The following ZNF516 variants were observed in gnomAD, a reference collection of about 807,000 sequenced individuals.
ZNF516 encodes zinc finger protein 516.
In ZNF516, 19 loss-of-function variants were observed where a neutral mutation model predicts 79.7. The observed-to-expected ratio is 0.24, with a 90% confidence interval of 0.17 to 0.35. ZNF516 has a LOEUF of 0.35. Ranked by LOEUF, ZNF516 falls within the 10% of genes least tolerant of loss-of-function variation. The pLI, the probability that ZNF516 is intolerant of heterozygous loss-of-function variation, is 1.00. For missense variants in ZNF516, 1,678 were observed against 1,679.5 expected (o/e 1.00, Z 0.02); for synonymous variants, 877 against 739.5 (o/e 1.19, Z -3.02).
intron 3 of ZNF516, among the ~76,000 whole-genome samples, chr18:76,414,378 G>A (rs1230766292): frequency 2.0e-5 from 3 of 152,198 alleles, no homozygotes; most frequent in East Asian, 1.9e-4. Context: ...TATTTTAAGG[G>A]TTTTCATCCC....
chr18:76,397,582 T>C (rs773348150), intron 3 of ZNF516, among the ~76,000 whole-genome samples: 2 of 152,226 alleles, frequency 1.3e-5, no homozygotes, highest in Non-Finnish European at 2.9e-5. Flanking sequence ...ATTACATAAA[T>C]ATCTTAGTAC....
chr18:76,473,040 G>C (rs1249110992), intron 1 of ZNF516, among the ~76,000 whole-genome samples: 13 of 152,132 alleles, frequency 8.5e-5, no homozygotes, highest in Non-Finnish European at 1.6e-4. Flanking sequence ...AAGTCAAATT[G>C]TATTACTACT....
intron 2 of ZNF516, among the ~76,000 whole-genome samples, chr18:76,462,250 G>C (rs950542874): frequency 6.6e-6 from 1 of 152,170 alleles, no homozygotes; most frequent in Non-Finnish European, 1.5e-5. Flanking sequence ...GCAAAACTCA[G>C]AGACGGCTTT....
chr18:76,441,230 G>C lies in ZNF516; in HGVS notation c.1810+15C>G. ...GGGATCCCAGGACCCAGGCCACCTG[G>C]GTACACTTGCTCACCTGGTGCAGGT... On this transcript the variant is annotated intron_variant, in intron 3 of 6. Coordinates refer to ENST00000443185, the MANE Select transcript of ZNF516 (RefSeq NM_014643.4). 6.2e-7 allele frequency: 1 copy of C among 1,605,986 alleles called. No individual in the cohort carries two copies. The highest frequency in any genetic ancestry group is 8.5e-7 in the Non-Finnish European group (1 of 1,177,258).
At chr18:76,368,216 G>A (rs1439163702) in intron 6 of ZNF516, among the ~76,000 whole-genome samples, 1 of 152,062 alleles carries the variant, frequency 6.6e-6, no homozygotes, top group Non-Finnish European at 1.5e-5. Flanking sequence ...GGAACCCTAG[G>A]ATTTAAACCT....
chr18:76,444,158 G>T lies in ZNF516; in HGVS notation c.-157-947C>A, dbSNP rs199512703. Among the ~76,000 whole-genome samples the T allele has an allele frequency of 9.2e-5, 14 of 152,344 alleles. No individual in the cohort carries two copies. The East Asian group carries it at 2.7e-3, about 29-fold the overall frequency. On this transcript the variant is annotated intron_variant, in intron 2 of 6. Coordinates refer to ENST00000443185, the MANE Select transcript of ZNF516 (RefSeq NM_014643.4). The stretch of plus-strand genomic sequence containing the variant: ...TCCCACCTGACACAGGGTAAGTAAG[G>T]TAAAGCAGCAGAACGATGAGCCAGT...
chr18:76,449,153 G>A (rs367813364), intron 2 of ZNF516, among the ~76,000 whole-genome samples: 4 of 152,138 alleles, frequency 2.6e-5, no homozygotes, highest in Non-Finnish European at 5.9e-5. Flanking sequence ...CAAAGCCATC[G>A]TTCCAGAGCA....
rs1341108409 is a variant in ZNF516, at chr18:76,464,439, T to C, written c.-271-1298A>G. 7.2e-5 allele frequency among the ~76,000 whole-genome samples: 11 copies of C among 152,224 alleles called. No homozygotes were observed. In the East Asian group the frequency reaches 2.1e-3, roughly 29 times the overall value. On this transcript the variant is annotated intron_variant, in intron 1 of 6. Transcript: ENST00000443185. The stretch of plus-strand genomic sequence containing the variant: ...GGCCTTTGCTGTCTCAAGCTGGCAT[T>C]CAGAAATCTCAGAACCATCACTGGG...
At chr18:76,489,949 A>G (rs1915065413) in intron 1 of ZNF516, among the ~76,000 whole-genome samples, 1 of 152,202 alleles carries the variant, frequency 6.6e-6, no homozygotes, top group African/African-American at 2.4e-5. Context: ...CCTCTTGGTT[A>G]GTTTTATTAC....
chr18:76,406,929 C>T (rs967939312), intron 3 of ZNF516, among the ~76,000 whole-genome samples: 1 of 151,400 alleles, frequency 6.6e-6, no homozygotes, highest in Non-Finnish European at 1.5e-5. Flanking sequence ...AGGCCGGAGT[C>T]CCCGTGCTCC....
intron 1 of ZNF516, among the ~76,000 whole-genome samples, chr18:76,489,200 T>G (rs902587107): frequency 6.6e-6 from 1 of 152,140 alleles, no homozygotes; most frequent in Non-Finnish European, 1.5e-5. Context: ...TTCTGGAAAA[T>G]GAACAAATAA....
Position 76,379,894 on chromosome 18 carries a change from C to T in ZNF516, c.2220G>A (p.Thr740=), listed in dbSNP as rs776371526. 1.1e-5 allele frequency: 17 copies of T among 1,613,836 alleles called. No individual in the cohort carries two copies. In the East Asian group the frequency reaches 2.7e-4, roughly 25 times the overall value. The change falls in exon 4 of 7, where the codon ACG becomes ACA. Residue 740 remains threonine (T), a synonymous_variant. Coordinates refer to ENST00000443185, the MANE Select transcript of ZNF516 (RefSeq NM_014643.4). ...TCTCCTTATTGCTGGGGTCATCCCG[C>T]GTCGACCTCGCACTTAAATCTAGCG... ...LMPLDLSARS[T]RDDPSNKETA...
intron 1 of ZNF516, among the ~76,000 whole-genome samples, chr18:76,481,574 G>A (rs1914524103): frequency 6.6e-6 from 1 of 152,212 alleles, no homozygotes; most frequent in South Asian, 2.1e-4. Flanking sequence ...GTGGGACTTT[G>A]ATGAAGTTAC....
chr18:76,441,268 T>C lies in ZNF516; in HGVS notation c.1787A>G (p.Glu596Gly). 6.2e-7 allele frequency: 1 copy of C among 1,610,508 alleles called. No homozygotes were observed. The highest frequency in any genetic ancestry group is 8.5e-7 in the Non-Finnish European group (1 of 1,179,194). Reference sequence around the variant, plus strand: ...ACCTGGTGCAGGTTCAGGGGCGCCCTCCTCACCACTGTCTTCGGCAGCCTC... The same window carrying C: ...ACCTGGTGCAGGTTCAGGGGCGCCCCCCTCACCACTGTCTTCGGCAGCCTC... ...ADEAAEDSGEEGAPEPAPGGQ... is the reference protein window; with the variant it reads ...ADEAAEDSGEGGAPEPAPGGQ... The change falls in exon 3 of 7, where the codon GAG becomes GGG. Residue 596 changes from glutamate to glycine, a missense_variant. Physicochemically the swap from Glu to Gly is moderately conservative, Grantham distance 98. Coordinates refer to ENST00000443185, the MANE Select transcript of ZNF516 (RefSeq NM_014643.4).
chr18:76,425,183 A>G (rs1420261876), intron 3 of ZNF516, among the ~76,000 whole-genome samples: 1 of 150,236 alleles, frequency 6.7e-6, no homozygotes, highest in East Asian at 2.0e-4. Flanking sequence ...AAAAAAAAGA[A>G]AAAAAAAAAG....
In ZNF516 at chr18:76,443,030, T is replaced by A; in HGVS notation, c.25A>T (p.Met9Leu). The stretch of plus-strand genomic sequence containing the variant: ...GGGCTGGGGCCTCGCCTCAGCTCCA[T>A]CTCGGCCTCTCTGTTGCGATCCATC... MDRNREAEMELRRGPSPTR... is the reference protein window; with the variant it reads MDRNREAELELRRGPSPTR... Residue 9 changes from methionine to leucine, a missense_variant, in exon 3 of 7, where the codon ATG (methionine) becomes TTG (leucine). Around this residue, in one of 5 missense-constraint regions of ZNF516, gnomAD observed 62 missense variants for 58.9 expected, o/e 1.05. Transcript: ENST00000443185. 7 of 1,594,430 alleles carry A rather than the reference T, an allele frequency of 4.4e-6. No homozygotes were observed. Among genetic ancestry groups the A allele is most frequent in the Non-Finnish European group, 5.1e-6 (6 of 1,176,018 alleles).
chr18:76,364,709 C>T (rs982911508), intron 6 of ZNF516, among the ~76,000 whole-genome samples: 1 of 152,184 alleles, frequency 6.6e-6, no homozygotes, highest in African/African-American at 2.4e-5. Flanking sequence ...CCAGGACACA[C>T]GGGGCACCTC....
rs764763967 is a variant in ZNF516, at chr18:76,442,654, G to A, written c.401C>T (p.Ala134Val). Residue 134 changes from alanine (A) to valine (V), a missense_variant, in exon 3 of 7, where the codon GCC (alanine) becomes GTC (valine). Physicochemically the swap from Ala to Val is moderately conservative, Grantham distance 64. Around this residue, in one of 5 missense-constraint regions of ZNF516, gnomAD observed 279 missense variants for 254.1 expected, o/e 1.10. Coordinates refer to ENST00000443185, the MANE Select transcript of ZNF516 (RefSeq NM_014643.4). Reference protein sequence around the residue: ...CNRLLNGASQADGARVLNGAS... With the variant: ...CNRLLNGASQVDGARVLNGAS... ...CCCGTTCAGGACCCTGGCGCCGTCG[G>A]CCTGCGAGGCCCCGTTCAGCAGCCG... 4.4e-6 allele frequency: 7 copies of A among 1,585,822 alleles called. No homozygotes were observed. The African/African-American group carries it at 9.4e-5, about 21-fold the overall frequency.
chr18:76,374,230 A>G (rs1291106405), intron 4 of ZNF516, among the ~76,000 whole-genome samples: 1 of 152,222 alleles, frequency 6.6e-6, no homozygotes, highest in Non-Finnish European at 1.5e-5. Context: ...ATTAGCTTCA[A>G]ATTTTATTCT....
Sources: gnomAD v4.1 joint callset for allele counts (sites outside exome capture counted in the v4.1 genomes callset) on GRCh38, gnomAD v4.1.1 for gene constraint, gnomAD v4.1.1 regional missense constraint, MANE v1.5 for transcripts, NCBI Gene and HGNC (gene_info 2026-07-23, HGNC 2026-07-21) for gene names.